DENND5B: variants seen among roughly 807,000 people sequenced by gnomAD.
The protein encoded by DENND5B is DENN domain containing 5B, also known as DENN domain-containing protein 5B.
In DENND5B, 34 loss-of-function variants were observed where a neutral mutation model predicts 140.6. The ratio of observed to expected loss-of-function variants is 0.24; its 90% CI spans 0.18 to 0.32. The LOEUF (loss-of-function observed/expected upper bound fraction) is 0.32. Ranked by LOEUF, DENND5B falls within the 10% of genes least tolerant of loss-of-function variation. The probability of loss-of-function intolerance (pLI) is 1.00; values close to 1 mark genes in which losing one functional copy is unlikely to be tolerated. For synonymous variants in DENND5B, 551 were observed against 562.1 expected (o/e 0.98, Z 0.28); for missense variants, 1,142 against 1,560.2 (o/e 0.73, Z 4.52).
Position 31,422,263 on chromosome 12 carries a change from C to A in DENND5B, c.2470+1334G>T, listed in dbSNP as rs113317519. Among the ~76,000 whole-genome samples the A allele has an allele frequency of 1.2e-3, 53 of 45,652 alleles. 9 individuals carry two copies. The highest frequency in any genetic ancestry group is 1.7e-3 in the African/African-American group (14 of 8,134). The allele number at this position is 45,652 out of a possible 152,430, so 29.9% of individuals were successfully genotyped here. On this transcript the variant is annotated intron_variant, in intron 11 of 20. Transcript: ENST00000389082. Reference sequence around the variant, plus strand: ...TGAAACCCCGTCTCTACTAAAAATCCAAAAAAAAAAAAAAAAAATAGCTGG... The same window carrying A: ...TGAAACCCCGTCTCTACTAAAAATCAAAAAAAAAAAAAAAAAAATAGCTGG...
intron 3 of DENND5B, among the ~76,000 whole-genome samples, chr12:31,476,183 GA>G (rs199658237): frequency 0.028 from 3,201 of 114,052 alleles, 113 homozygotes; most frequent in African/African-American, 0.095. Flanking sequence ...GAAGCTTTTG[GA>G]GTTTTTTTTT....
chr12:31,536,742 C>G (rs1193346678), intron 1 of DENND5B, among the ~76,000 whole-genome samples: 1 of 152,012 alleles, frequency 6.6e-6, no homozygotes, highest in Non-Finnish European at 1.5e-5. Flanking sequence ...TTACAGAACA[C>G]CAAGCAGATT....
chr12:31,448,699 C>A (rs1944380153), intron 5 of DENND5B, among the ~76,000 whole-genome samples: 1 of 152,138 alleles, frequency 6.6e-6, no homozygotes, highest in South Asian at 2.1e-4. Context: ...ACAGTCTCAG[C>A]CTTAACAACT....
chr12:31,423,895 T>C (rs187594398), intron 10 of DENND5B, among the ~76,000 whole-genome samples: 115 of 152,298 alleles, frequency 7.6e-4, no homozygotes, highest in African/African-American at 2.6e-3. Flanking sequence ...AGGAAGCAGC[T>C]AAGCAAAGGG....
intron 1 of DENND5B, among the ~76,000 whole-genome samples, chr12:31,520,086 T>C (rs1468468923): frequency 6.6e-6 from 1 of 152,242 alleles, no homozygotes; most frequent in East Asian, 1.9e-4. Flanking sequence ...TCATAAAATG[T>C]GTTTCAAATA....
intron 1 of DENND5B, chr12:31,535,125 T>A: frequency 3.3e-6 from 1 of 303,074 alleles, no homozygotes. Context: ...GGCATTGATA[T>A]CTGCATCACA....
intron 1 of DENND5B, among the ~76,000 whole-genome samples, chr12:31,516,477 CAAAA>C (rs58069719): frequency 0.15 from 10,540 of 68,584 alleles, 862 homozygotes; most frequent in African/African-American, 0.33. Flanking sequence ...GACCCTGTCT[CAAAA>C]AAAAAAAAAA....
intron 1 of DENND5B, among the ~76,000 whole-genome samples, chr12:31,551,262 G>A (rs1949050824): frequency 6.6e-6 from 1 of 152,174 alleles, no homozygotes; most frequent in Non-Finnish European, 1.5e-5. Context: ...AAGGGATCCA[G>A]TTTCAGCTTT....
intron 2 of DENND5B, among the ~76,000 whole-genome samples, chr12:31,480,704 T>C (rs887703312): frequency 9.2e-5 from 14 of 152,146 alleles, no homozygotes; most frequent in Non-Finnish European, 2.1e-4. Context: ...AAGTATTTAA[T>C]ACAGGGAAAT....
chr12:31,533,136 A>G (rs1246262968), intron 1 of DENND5B, among the ~76,000 whole-genome samples: 2 of 152,232 alleles, frequency 1.3e-5, no homozygotes, highest in Admixed American at 1.3e-4. Flanking sequence ...ATTGTGAGCT[A>G]TTAAATATTG....
intron 3 of DENND5B, among the ~76,000 whole-genome samples, chr12:31,471,563 TG>T (rs951664842): frequency 6.8e-6 from 1 of 147,904 alleles, no homozygotes; most frequent in Non-Finnish European, 1.5e-5. Context: ...GAGGTAGAGA[TG>T]GAGTTTCACC....
At chr12:31,464,395 A>T (rs530536650) in intron 3 of DENND5B, among the ~76,000 whole-genome samples, 1 of 152,216 alleles carries the variant, frequency 6.6e-6, no homozygotes, top group Non-Finnish European at 1.5e-5. Flanking sequence ...ACTTCTTATT[A>T]TCACCAGAGT....
intron 15 of DENND5B, among the ~76,000 whole-genome samples, chr12:31,401,644 T>A (rs1288819608): frequency 6.6e-6 from 1 of 152,134 alleles, no homozygotes; most frequent in African/African-American, 2.4e-5. Context: ...TTTGTTTTGT[T>A]TTTTGAGACA....
chr12:31,395,507 C>A (rs903957653), intron 17 of DENND5B, among the ~76,000 whole-genome samples: 1 of 152,118 alleles, frequency 6.6e-6, no homozygotes, highest in Admixed American at 6.6e-5. Flanking sequence ...GCAGGAGAAT[C>A]GCTTGAACCT....
intron 1 of DENND5B, among the ~76,000 whole-genome samples, chr12:31,520,903 C>T (rs1211082221): frequency 1.3e-5 from 2 of 152,132 alleles, no homozygotes; most frequent in Non-Finnish European, 2.9e-5. Flanking sequence ...ATAAATTTTA[C>T]TTCTTGTATC....
chr12:31,462,976 A>T (rs1945088387), intron 3 of DENND5B, among the ~76,000 whole-genome samples: 1 of 151,796 alleles, frequency 6.6e-6, no homozygotes. Flanking sequence ...AACAAAAAAC[A>T]AAAAGCCAAG....
At chr12:31,466,842 A>C (rs181481941) in intron 3 of DENND5B, among the ~76,000 whole-genome samples, 1 of 152,368 alleles carries the variant, frequency 6.6e-6, no homozygotes, top group East Asian at 1.9e-4. Context: ...AGGAAACATA[A>C]TGAACCACAA....
At chr12:31,555,368 G>A (rs958417607) in intron 1 of DENND5B, among the ~76,000 whole-genome samples, 8 of 152,168 alleles carry the variant, frequency 5.3e-5, no homozygotes, top group East Asian at 1.9e-4. Flanking sequence ...GCAGAACAGC[G>A]GATATTGGTG....
At chr12:31,460,437 T>C in intron 3 of DENND5B, 56 bp from the exon 4 acceptor site, 1 of 1,526,244 alleles carries the variant, frequency 6.6e-7, no homozygotes, top group South Asian at 1.3e-5. Context: ...CACAATCACT[T>C]CATTAAGCTG....
Sources: allele counts gnomAD v4.1 joint callset (sites outside exome capture counted in the v4.1 genomes callset), GRCh38; gene constraint gnomAD v4.1.1; transcripts MANE v1.5; gene names NCBI Gene and HGNC (gene_info 2026-07-23, HGNC 2026-07-21).